ZBTB16: variants seen among roughly 807,000 people sequenced by gnomAD.
The protein encoded by ZBTB16 is zinc finger and BTB domain-containing protein 16.
ZBTB16 carries 8 observed loss-of-function variants against 56.8 expected under a neutral mutation model. The ratio of observed to expected loss-of-function variants is 0.14; its 90% confidence interval spans 0.08 to 0.25. The LOEUF (loss-of-function observed/expected upper bound fraction) is 0.25, where lower values mean the gene tolerates loss of function less well. ZBTB16 is among the 10% of genes least tolerant of loss of function. The pLI is 1.00. For synonymous variants in ZBTB16, 363 were observed against 368.5 expected (o/e 0.98, Z 0.17); for missense variants, 625 against 903.0 (o/e 0.69, Z 3.95).
intron 4 of ZBTB16, among the ~76,000 whole-genome samples, chr11:114,225,625 C>G (rs1944314101): frequency 6.6e-6 from 1 of 151,720 alleles, no homozygotes; most frequent in African/African-American, 2.4e-5. Context: ...CGCGTGAGGG[C>G]ACAGCCCCCA....
At position 114,254,928 on chromosome 11, in the gene ZBTB16, G is replaced by A. The variant is rs1591819831; in HGVS notation, c.*4373G>A. Among the ~76,000 whole-genome samples the A allele has an allele frequency of 6.6e-6, 1 of 152,180 alleles. No individual in the cohort carries two copies. The highest frequency in any genetic ancestry group is 2.1e-4 in the South Asian group (1 of 4,832). ...GGGGAGAAAGAGGGGTGCAGGCCCT[G>A]CAGGCCGGTTAGCCAGCAGCTGCGG... On this transcript the variant is annotated 3_prime_UTR_variant, in exon 7 of 7. Transcript: ENST00000335953.
intron 3 of ZBTB16, among the ~76,000 whole-genome samples, chr11:114,167,219 T>TTTTTTTGTTTG: frequency 1.4e-5 from 1 of 72,570 alleles, no homozygotes; most frequent in Non-Finnish European, 2.4e-5. Context: ...ATTTGTGGTT[T>TTTTTTTGTTTG]TTTTTTTTTT....
chr11:114,102,596 A>G (rs1940653140), intron 2 of ZBTB16, among the ~76,000 whole-genome samples: 1 of 137,412 alleles, frequency 7.3e-6, no homozygotes, highest in African/African-American at 2.8e-5. Flanking sequence ...AAGTGAATCT[A>G]TTGGGAAATG....
rs982185402 is a variant in ZBTB16, at chr11:114,231,738, T to G, written c.1454-10429T>G. On this transcript the variant is annotated intron_variant, in intron 4 of 6. Transcript: ENST00000335953. ...TGGTTCCTTTTAGTTAAAGAGATTC[T>G]CTTTAGCTAAAAGAAGGCTGTGAAG... Among the ~76,000 whole-genome samples, 3 of 152,316 alleles carry G rather than the reference T, an allele frequency of 2.0e-5. No homozygotes were observed. In the South Asian group the frequency reaches 6.2e-4, roughly 32 times the overall value.
intron 1 of ZBTB16, chr11:114,061,380 A>AC (rs1938854442): frequency 6.6e-6 from 1 of 151,856 alleles, no homozygotes; most frequent in Non-Finnish European, 1.5e-5. Flanking sequence ...GTTCTCAGAA[A>AC]CCCCGATGTC....
intron 4 of ZBTB16, among the ~76,000 whole-genome samples, chr11:114,227,303 C>G (rs1944346901): frequency 6.6e-6 from 1 of 152,182 alleles, no homozygotes; most frequent in African/African-American, 2.4e-5. Flanking sequence ...CCTCCTGGGC[C>G]CCATGTGCTG....
intron 4 of ZBTB16, among the ~76,000 whole-genome samples, chr11:114,235,317 G>T (rs1944541930): frequency 6.6e-6 from 1 of 152,234 alleles, no homozygotes; most frequent in Non-Finnish European, 1.5e-5. Context: ...AGTATATTTA[G>T]ATCCCTCTGC....
rs557007148 is a variant in ZBTB16, at chr11:114,087,337, T to C, written c.1268+22769T>C. Among the ~76,000 whole-genome samples the C allele has an allele frequency of 2.0e-5, 3 of 152,354 alleles. No individual in the cohort carries two copies. In the East Asian group the frequency reaches 5.8e-4, roughly 29 times the overall value. On this transcript the variant is annotated intron_variant, in intron 2 of 6. Coordinates refer to ENST00000335953, the MANE Select transcript of ZBTB16 (RefSeq NM_006006.6). ...GATCTCTACCTCTAGTTGTTTTTCGTTTTTTGTCTTTTCTTGTGTTTCACA... is the reference window on the plus strand; with the variant it reads ...GATCTCTACCTCTAGTTGTTTTTCGCTTTTTGTCTTTTCTTGTGTTTCACA...
At chr11:114,164,054 G>A (rs1376805160) in intron 3 of ZBTB16, among the ~76,000 whole-genome samples, 1 of 152,176 alleles carries the variant, frequency 6.6e-6, no homozygotes, top group Non-Finnish European at 1.5e-5. Context: ...GCAAGACAAA[G>A]TGTTTTGATG....
At chr11:114,179,329 T>C (rs1010901906) in intron 3 of ZBTB16, among the ~76,000 whole-genome samples, 2 of 151,860 alleles carry the variant, frequency 1.3e-5, no homozygotes, top group African/African-American at 4.8e-5. Flanking sequence ...GGAGTACACA[T>C]CTCCTTGAGG....
At chr11:114,115,281 C>T (rs1941136599) in intron 2 of ZBTB16, among the ~76,000 whole-genome samples, 1 of 151,442 alleles carries the variant, frequency 6.6e-6, no homozygotes, top group Non-Finnish European at 1.5e-5. Flanking sequence ...TCTGTTGCCT[C>T]TCCAGAGATC....
At chr11:114,079,515 A>G (rs982731195) in intron 2 of ZBTB16, among the ~76,000 whole-genome samples, 5 of 152,244 alleles carry the variant, frequency 3.3e-5, no homozygotes, top group African/African-American at 1.2e-4. Flanking sequence ...TAAAGAAGCC[A>G]CATTTCTAAT....
At chr11:114,167,241 T>TG (rs1942794746) in intron 3 of ZBTB16, among the ~76,000 whole-genome samples, 1 of 137,760 alleles carries the variant, frequency 7.3e-6, no homozygotes, top group East Asian at 2.1e-4. Flanking sequence ...GGTTTTTTTT[T>TG]TTTTTTTTTT....
chr11:114,095,766 G>A (rs1326383451), intron 2 of ZBTB16, among the ~76,000 whole-genome samples: 1 of 152,194 alleles, frequency 6.6e-6, no homozygotes, highest in African/African-American at 2.4e-5. Context: ...TAGCATGCTT[G>A]GGTGCCGTGT....
At chr11:114,232,550 G>A (rs190972516) in intron 4 of ZBTB16, among the ~76,000 whole-genome samples, 39 of 151,108 alleles carry the variant, frequency 2.6e-4, no homozygotes, top group Non-Finnish European at 4.3e-4. Flanking sequence ...CTGCCAGAAC[G>A]GGCAGTCCCT....
At chr11:114,061,945 A>G (rs1445818041) in intron 1 of ZBTB16, among the ~76,000 whole-genome samples, 1 of 151,714 alleles carries the variant, frequency 6.6e-6, no homozygotes, top group Non-Finnish European at 1.5e-5. Context: ...CAGCATGAGC[A>G]CTCCTGGCTG....
intron 4 of ZBTB16, among the ~76,000 whole-genome samples, chr11:114,197,424 T>C (rs1943634552): frequency 1.3e-5 from 2 of 152,256 alleles, no homozygotes; most frequent in South Asian, 4.1e-4. Context: ...ATATACTCTG[T>C]CTTCCCCCCA....
At chr11:114,124,645 T>C (rs959517793) in intron 2 of ZBTB16, among the ~76,000 whole-genome samples, 7 of 151,954 alleles carry the variant, frequency 4.6e-5, no homozygotes, top group African/African-American at 1.7e-4. Flanking sequence ...CCTCACCATT[T>C]CGGCCACTGG....
chr11:114,170,004 C>T (rs895589286), intron 3 of ZBTB16, among the ~76,000 whole-genome samples: 6 of 152,176 alleles, frequency 3.9e-5, no homozygotes, highest in African/African-American at 1.4e-4. Flanking sequence ...CAGTTTCTTG[C>T]ACTTGGGAGT....
Sources: gnomAD v4.1 joint callset for allele counts (sites outside exome capture counted in the v4.1 genomes callset) on GRCh38, gnomAD v4.1.1 for gene constraint, MANE v1.5 for transcripts, NCBI Gene and HGNC (gene_info 2026-07-23, HGNC 2026-07-21) for gene names.